The following TM4SF5 variants were observed in gnomAD, a reference collection of about 807,000 sequenced individuals.
TM4SF5 encodes transmembrane 4 L6 family member 5.
TM4SF5 carries 16 observed loss-of-function variants against 22.3 expected under a neutral mutation model. The observed-to-expected ratio is 0.72, with a 90% CI of 0.49 to 1.09. TM4SF5 has a LOEUF of 1.09. Among genes scored for constraint, TM4SF5 ranks in the 50% least tolerant of loss-of-function variants. The pLI is 0.00. For missense variants in TM4SF5, 249 were observed against 266.1 expected, an observed-to-expected ratio of 0.94 and a Z score of 0.45; for synonymous variants, 113 against 109.6, an observed-to-expected ratio of 1.03 and a Z score of -0.19.
At chr17:4,781,066 GCT>G (rs1464279820) in intron 2 of TM4SF5, among the ~76,000 whole-genome samples, 197 bp downstream of exon 2, 4 of 150,770 alleles carry the variant, frequency 2.7e-5, no homozygotes, top group African/African-American at 9.8e-5. Flanking sequence ...TGCAATCTCG[GCT>G]ACTTGGGAGG....
rs2150649001 is a variant in TM4SF5 at position 4,782,952 on chromosome 17, C to T, written c.494C>T (p.Ala165Val). 6.2e-7 allele frequency: 1 copy of T among 1,614,260 alleles called. No homozygotes were observed. The highest frequency in any genetic ancestry group is 8.5e-7 in the Non-Finnish European group (1 of 1,180,046). Reference protein sequence around the residue: ...NVTLFSLLVAASCLEIVLCGI... With the variant: ...NVTLFSLLVAVSCLEIVLCGI... Reference sequence around the variant, plus strand: ...ACGCTCTTCTCGCTGCTGGTGGCCGCCTCCTGCCTGGAGATAGTACTGTGT... The same window carrying T: ...ACGCTCTTCTCGCTGCTGGTGGCCGTCTCCTGCCTGGAGATAGTACTGTGT... The change falls in exon 4 of 5, where the codon GCC becomes GTC. Residue 165 changes from alanine (A) to valine (V), a missense_variant. Coordinates refer to ENST00000270560, the MANE Select transcript of TM4SF5 (RefSeq NM_003963.3).
chr17:4,773,788 G>A (rs8073779), intron 1 of TM4SF5, among the ~76,000 whole-genome samples: 24,637 of 152,024 alleles, frequency 0.16, 2,153 homozygotes, highest in Admixed American at 0.19. Context: ...TCTGCAACCT[G>A]AACCACCCCT....
In TM4SF5 at chr17:4,783,017, G is replaced by A. The variant is rs757785285; in HGVS notation, c.559G>A (p.Gly187Ser). ...GAACGCGACCATTGGTGTCTTCTGC[G>A]GCGATTGCAGGAAAAAACAGGTGAA... ...LVNATIGVFC[G>S]DCRKKQDTPH Residue 187 changes from glycine to serine, a missense_variant, in exon 4 of 5, where the codon GGC becomes AGC. Physicochemically the swap from Gly to Ser is moderately conservative, Grantham distance 56. Coordinates refer to ENST00000270560, the MANE Select transcript of TM4SF5 (RefSeq NM_003963.3). 1.2e-6 allele frequency: 2 copies of A among 1,614,140 alleles called. No homozygotes were observed. Among genetic ancestry groups the A allele is most frequent in the Admixed American group, 1.7e-5 (1 of 60,022 alleles).
chr17:4,780,697 A>G, intron 1 of TM4SF5, 92 bp from the exon 2 acceptor site: 1 of 1,010,436 alleles, frequency 9.9e-7, no homozygotes, highest in Non-Finnish European at 1.5e-6. Context: ...TGAAGGCATC[A>G]CAGGCAGCTT....
intron 1 of TM4SF5, among the ~76,000 whole-genome samples, chr17:4,778,650 C>T (rs1300239144): frequency 6.6e-6 from 1 of 151,998 alleles, no homozygotes; most frequent in African/African-American, 2.4e-5. Context: ...AGCAAGACAG[C>T]TGTGGAATTC....
At chr17:4,778,606 C>T (rs1917246871) in intron 1 of TM4SF5, among the ~76,000 whole-genome samples, 1 of 151,888 alleles carries the variant, frequency 6.6e-6, no homozygotes, top group Non-Finnish European at 1.5e-5. Context: ...GATCCTGTCT[C>T]AAAAAGCAAA....
intron 2 of TM4SF5, among the ~76,000 whole-genome samples, chr17:4,781,474 A>C (rs531719592): frequency 1.3e-5 from 2 of 151,934 alleles, no homozygotes; most frequent in African/African-American, 4.8e-5. Flanking sequence ...CAAGAGCAAA[A>C]CTCCGCCTCA....
At chr17:4,781,306 G>A (rs1221314929) in intron 2 of TM4SF5, among the ~76,000 whole-genome samples, 1 of 150,952 alleles carries the variant, frequency 6.6e-6, no homozygotes, top group African/African-American at 2.4e-5. Context: ...CTCCAGCCTG[G>A]GCAACAAGAG....
At chr17:4,778,630 G>T (rs1316356192) in intron 1 of TM4SF5, among the ~76,000 whole-genome samples, 1 of 151,932 alleles carries the variant, frequency 6.6e-6, no homozygotes, top group Non-Finnish European at 1.5e-5. Context: ...ACACACACAC[G>T]AAAGCAAGAA....
At chr17:4,781,303 C>T (rs1266282411) in intron 2 of TM4SF5, among the ~76,000 whole-genome samples, 1 of 151,290 alleles carries the variant, frequency 6.6e-6, no homozygotes, top group Non-Finnish European at 1.5e-5. Flanking sequence ...GCACTCCAGC[C>T]TGGGCAACAA....
At chr17:4,781,904 G>A (rs909513652) in intron 2 of TM4SF5, among the ~76,000 whole-genome samples, 4 of 151,704 alleles carry the variant, frequency 2.6e-5, no homozygotes, top group Non-Finnish European at 4.4e-5. Context: ...ATTCACTGGG[G>A]TTGTAGTTCC....
At chr17:4,781,578 C>T (rs1005152689) in intron 2 of TM4SF5, among the ~76,000 whole-genome samples, 17 of 151,984 alleles carry the variant, frequency 1.1e-4, no homozygotes, top group African/African-American at 3.6e-4. Flanking sequence ...TACAGTGGCA[C>T]GATCTTGGCT....
intron 1 of TM4SF5, among the ~76,000 whole-genome samples, chr17:4,774,878 G>C (rs534405787): frequency 6.6e-6 from 1 of 152,314 alleles, no homozygotes; most frequent in Admixed American, 6.5e-5. Flanking sequence ...TTGTACTCCA[G>C]CCTGGGCAAC....
intron 1 of TM4SF5, among the ~76,000 whole-genome samples, chr17:4,775,315 G>C (rs1322440232): frequency 2.0e-5 from 3 of 151,382 alleles, no homozygotes; most frequent in Admixed American, 1.3e-4. Context: ...CTGCAGTGCA[G>C]TGGTGCGATC....
At chr17:4,779,760 GAGCT>G (rs1917266853) in intron 1 of TM4SF5, among the ~76,000 whole-genome samples, 1 of 152,178 alleles carries the variant, frequency 6.6e-6, no homozygotes, top group Non-Finnish European at 1.5e-5. Context: ...GGTTGAATTT[GAGCT>G]AAAACCAAGA....
chr17:4,780,888 A>G lies in TM4SF5; in HGVS notation c.258+19A>G, dbSNP rs1335936912. The G allele has an allele frequency of 6.2e-7, 1 of 1,608,322 alleles. No individual in the cohort carries two copies. Among genetic ancestry groups the G allele is most frequent in the African/African-American group, 1.3e-5 (1 of 74,800 alleles). Reference sequence around the variant, plus strand: ...CTGCAGGGTAAGATCCAGATTAAGAAGGAATTCAGGGCTGGGGGTGGTGTC... The same window carrying G: ...CTGCAGGGTAAGATCCAGATTAAGAGGGAATTCAGGGCTGGGGGTGGTGTC... On this transcript the variant is annotated intron_variant, in intron 2 of 4. Coordinates refer to ENST00000270560, the MANE Select transcript of TM4SF5 (RefSeq NM_003963.3).
chr17:4,782,925 T>G lies in TM4SF5; in HGVS notation c.467T>G (p.Val156Gly), dbSNP rs1249445720. 1 of 1,614,110 alleles carries G rather than the reference T, an allele frequency of 6.2e-7. No individual in the cohort carries two copies. The highest frequency in any genetic ancestry group is 2.2e-5 in the East Asian group (1 of 44,890). ...EAPPRVVPWN[V>G]TLFSLLVAAS... ...CCCCCTCGCGTGGTCCCCTGGAATG[T>G]GACGCTCTTCTCGCTGCTGGTGGCC... The change falls in exon 4 of 5, where the codon GTG becomes GGG. Residue 156 changes from valine (V) to glycine (G), a missense_variant. By Grantham distance (109) the Val-to-Gly change is moderately radical. Coordinates refer to ENST00000270560, the MANE Select transcript of TM4SF5 (RefSeq NM_003963.3).
chr17:4,773,378 C>T (rs919810310), intron 1 of TM4SF5, among the ~76,000 whole-genome samples: 1 of 152,098 alleles, frequency 6.6e-6, no homozygotes, highest in Admixed American at 6.6e-5. Flanking sequence ...ACACAGATTT[C>T]CCCAATTTAC....
chr17:4,772,374 C>T (rs1174188468), intron 1 of TM4SF5, among the ~76,000 whole-genome samples: 1 of 152,190 alleles, frequency 6.6e-6, no homozygotes, highest in Non-Finnish European at 1.5e-5. Flanking sequence ...CCTGTCCCCA[C>T]TGTTGAGCAG....
Sources: gnomAD v4.1 joint callset for allele counts (sites outside exome capture counted in the v4.1 genomes callset) on GRCh38, gnomAD v4.1.1 for gene constraint, MANE v1.5 for transcripts, NCBI Gene and HGNC (gene_info 2026-07-23, HGNC 2026-07-21) for gene names.